The following MID1 variants were observed in gnomAD, a reference collection of about 807,000 sequenced individuals.
The protein encoded by MID1 is E3 ubiquitin-protein ligase Midline-1.
Under a neutral mutation model 40.4 loss-of-function variants are expected in MID1, and 7 were observed. The ratio of observed to expected loss-of-function variants is 0.17; its 90% CI spans 0.10 to 0.33. The LOEUF (loss-of-function observed/expected upper bound fraction) is 0.33, where lower values mean the gene tolerates loss of function less well. Ranked by LOEUF, MID1 falls within the 10% of genes least tolerant of loss-of-function variation. The probability of loss-of-function intolerance (pLI) is 1.00; values close to 1 mark genes in which losing one functional copy is unlikely to be tolerated. For synonymous variants in MID1, 229 were observed against 221.2 expected (o/e 1.04, Z -0.31); for missense variants, 367 against 558.5 (o/e 0.66, Z 3.46).
At chrX:10,649,007 A>T (rs1007173436) in intron 1 of MID1, among the ~76,000 whole-genome samples, 1 of 112,241 alleles carries the variant, frequency 8.9e-6, no homozygotes, top group African/African-American at 3.2e-5. Context: ...AACTTTGTTC[A>T]TGCTTTTTCA....
chrX:10,730,637 T>C (rs1317679891), intron 1 of MID1, among the ~76,000 whole-genome samples: 1 of 103,028 alleles, frequency 9.7e-6, no homozygotes, highest in African/African-American at 3.6e-5. Flanking sequence ...AGTGGCACGA[T>C]CTCGGCTCAC....
chrX:10,613,732 T>TATATATATATATATATATATATAGAG (rs1482081086), intron 1 of MID1, among the ~76,000 whole-genome samples: 1 of 17,482 alleles, frequency 5.7e-5, no homozygotes, highest in Non-Finnish European at 1.1e-4. Context: ...TATATATATA[T>TATATATATATATATATATATATAGAG]AGAGAGAGAG....
intron 1 of MID1, among the ~76,000 whole-genome samples, chrX:10,625,596 C>T (rs1935987538): frequency 8.9e-6 from 1 of 112,004 alleles, no homozygotes; most frequent in East Asian, 2.8e-4. Context: ...TTTTGCTAAT[C>T]GATTTATTAT....
chrX:10,803,594 G>T (rs2044024584), intron 1 of MID1, among the ~76,000 whole-genome samples: 1 of 111,169 alleles, frequency 9.0e-6, no homozygotes, highest in Non-Finnish European at 1.9e-5. Flanking sequence ...CTTGTGATCT[G>T]CCCGCTTCGG....
At chrX:10,484,071 C>A (rs1439302001) in intron 4 of MID1, among the ~76,000 whole-genome samples, 1 of 112,311 alleles carries the variant, frequency 8.9e-6, no homozygotes, top group Non-Finnish European at 1.9e-5. Flanking sequence ...ACTTATTTTA[C>A]ACCAAATAGA....
chrX:10,615,368 C>T (rs1217963753), intron 1 of MID1, among the ~76,000 whole-genome samples: 2 of 111,927 alleles, frequency 1.8e-5, no homozygotes, highest in Non-Finnish European at 3.8e-5. Context: ...TATATTAATT[C>T]TGTGAGTGCT....
Position 10,447,548 on chromosome X carries a change from A to G in MID1, c.*1820T>C, listed in dbSNP as rs1244821433. On this transcript the variant is annotated 3_prime_UTR_variant, in exon 10 of 10. Transcript: ENST00000317552. ...TATATTGTAATAAAAAGAAAAACCT[A>G]TAAGGTTTCCAGAGAAAGATTGTTT... is the stretch of plus-strand genomic sequence containing the variant. 5 of 112,287 alleles carry G rather than the reference A, an allele frequency of 4.5e-5. No individual in the cohort carries two copies. The highest frequency in any genetic ancestry group is 1.6e-4 in the African/African-American group (5 of 30,927). The allele number at this position is 112,287 out of a possible 1,213,427, so 9.3% of individuals were successfully genotyped here.
At position 10,765,722 on chromosome X, in the gene MID1, T is replaced by G. The variant is rs758084657; in HGVS notation, c.-187+67832A>C. Among the ~76,000 whole-genome samples the G allele has an allele frequency of 7.2e-5, 8 of 110,951 alleles. No homozygotes were observed. In the South Asian group the frequency reaches 3.0e-3, roughly 42 times the overall value. ...ATAAGCATGTGCAGAAACATCACTG[T>G]TTTTAAAAGCTCACTTCCCAATACC... is the stretch of plus-strand genomic sequence containing the variant. On this transcript the variant is annotated intron_variant, in intron 1 of 10. Coordinates refer to the MID1 transcript ENST00000380785.
chrX:10,768,201 T>G (rs1053394726), intron 1 of MID1, among the ~76,000 whole-genome samples: 5 of 108,003 alleles, frequency 4.6e-5, no homozygotes, highest in African/African-American at 1.8e-4. Flanking sequence ...AAATGAAACT[T>G]TTTTTTAAGT....
chrX:10,831,491 T>C (rs1209455567), intron 1 of MID1, among the ~76,000 whole-genome samples: 1 of 111,780 alleles, frequency 8.9e-6, no homozygotes, highest in Non-Finnish European at 1.9e-5. Context: ...CACGCAGTAC[T>C]GTGACTTGAA....
intron 1 of MID1, among the ~76,000 whole-genome samples, chrX:10,692,888 T>C (rs1001653972): frequency 3.6e-5 from 4 of 111,318 alleles, no homozygotes; most frequent in African/African-American, 1.3e-4. Context: ...CATATTTCTT[T>C]CTCCTTCAGT....
At chrX:10,474,403 G>A (rs1230584142) in intron 6 of MID1, among the ~76,000 whole-genome samples, 1 of 111,628 alleles carries the variant, frequency 9.0e-6, no homozygotes, top group African/African-American at 3.3e-5. Flanking sequence ...GCTTTTAATG[G>A]TTGAGATTCT....
chrX:10,709,010 T>C (rs779195268), intron 1 of MID1, among the ~76,000 whole-genome samples: 17 of 112,766 alleles, frequency 1.5e-4, no homozygotes, highest in Non-Finnish European at 3.0e-4. Context: ...CTAGCAAAAA[T>C]GGCAGTTTCT....
intron 1 of MID1, among the ~76,000 whole-genome samples, chrX:10,687,452 C>T (rs1056633469): frequency 5.4e-5 from 6 of 111,955 alleles, no homozygotes; most frequent in African/African-American, 1.3e-4. Flanking sequence ...ACCCCCATCA[C>T]CTTCTTTTGT....
At chrX:10,565,816 T>TA (rs934522197) in intron 2 of MID1, among the ~76,000 whole-genome samples, 1 of 106,544 alleles carries the variant, frequency 9.4e-6, no homozygotes, top group African/African-American at 3.5e-5. Flanking sequence ...GATTTTTTTT[T>TA]TTTTTTTTTT....
chrX:10,731,407 C>T (rs1428813084), intron 1 of MID1, among the ~76,000 whole-genome samples: 1 of 111,753 alleles, frequency 8.9e-6, no homozygotes. Flanking sequence ...GTATATCATG[C>T]AAATACCCAG....
intron 1 of MID1, among the ~76,000 whole-genome samples, chrX:10,784,443 CTTTTTTTTTTTT>C (rs1222382957): frequency 1.1e-5 from 1 of 87,577 alleles, no homozygotes; most frequent in Non-Finnish European, 2.3e-5. Flanking sequence ...GTTGTATTTT[CTTTTTTTTTTTT>C]TTTTTTTTGA....
chrX:10,625,441 C>G (rs987537390), upstream of MID1, among the ~76,000 whole-genome samples: 1 of 112,437 alleles, frequency 8.9e-6, no homozygotes, highest in African/African-American at 3.2e-5. Flanking sequence ...GGCCCATGCC[C>G]AAACATTTGT....
rs780500237 is a variant in MID1, at chrX:10,519,332, A to G, written c.756+3760T>C. 3.6e-5 allele frequency among the ~76,000 whole-genome samples: 4 copies of G among 112,066 alleles called. No individual in the cohort carries two copies. In the East Asian group the frequency reaches 1.1e-3, roughly 31 times the overall value. On this transcript the variant is annotated intron_variant, in intron 3 of 9. Coordinates refer to ENST00000317552, the MANE Select transcript of MID1 (RefSeq NM_000381.4). ...ATTTTGTTCATCCATTTATTCATAT[A>G]ATACATATTAACTTTACCCTATAAT...
Sources: gnomAD v4.1 joint callset for allele counts (sites outside exome capture counted in the v4.1 genomes callset) on GRCh38, gnomAD v4.1.1 for gene constraint, MANE v1.5 for transcripts, NCBI Gene and HGNC (gene_info 2026-07-23, HGNC 2026-07-21) for gene names.